Variants in AGBL4 observed in about 807,000 individuals in gnomAD.
The protein encoded by AGBL4 is cytosolic carboxypeptidase 6.
AGBL4 carries 58 observed loss-of-function variants against 66.4 expected under a neutral mutation model. That is an observed-to-expected ratio of 0.87 (90% CI 0.71 to 1.09). AGBL4 has a LOEUF of 1.09. Ranked by LOEUF, AGBL4 falls within the 50% of genes least tolerant of loss-of-function variation. AGBL4 has a pLI of 0.00. For synonymous variants in AGBL4, 234 were observed against 222.9 expected (o/e 1.05, Z -0.44); for missense variants, 579 against 631.0 (o/e 0.92, Z 0.88).
At chr1:48,525,564 C>T in the AGBL4 span, among the ~76,000 whole-genome samples, 3 of 152,162 alleles carry the variant, frequency 2.0e-5, no homozygotes, top group South Asian at 2.1e-4. Flanking sequence ...TTGATCCTCA[C>T]GATTCTCTTT....
intron 3 of AGBL4, among the ~76,000 whole-genome samples, chr1:49,323,175 T>G (rs1392742504): frequency 2.0e-5 from 3 of 152,196 alleles, no homozygotes; most frequent in Non-Finnish European, 2.9e-5. Context: ...GCCTTTCACA[T>G]TTGACTTCCA....
intron 6 of AGBL4, among the ~76,000 whole-genome samples, chr1:48,860,345 T>C (rs556842423): frequency 1.3e-5 from 2 of 152,352 alleles, no homozygotes; most frequent in South Asian, 4.1e-4. Flanking sequence ...TTGGGCTCCA[T>C]TGTGGGAGAC....
At position 49,248,637 on chromosome 1, in the gene AGBL4, T is replaced by C. The variant is rs371206679; in HGVS notation, c.283-2773A>G. ...GTTTAGGAAAGGTAATTATTCTTTT[T>C]TTTTTGGACATTGTTTACATCCAAA... On this transcript the variant is annotated intron_variant, in intron 3 of 13. Transcript: ENST00000371839. Among the ~76,000 whole-genome samples the C allele has an allele frequency of 1.9e-3, 284 of 152,256 alleles. 2 individuals carry two copies. Among genetic ancestry groups the C allele is most frequent in the African/African-American group, 6.5e-3 (269 of 41,556 alleles).
chr1:49,101,536 G>A (rs2148002310), intron 4 of AGBL4, among the ~76,000 whole-genome samples: 1 of 152,252 alleles, frequency 6.6e-6, no homozygotes, highest in African/African-American at 2.4e-5. Flanking sequence ...CTAATACATG[G>A]TTCTAAATAA....
intron 3 of AGBL4, among the ~76,000 whole-genome samples, chr1:49,385,388 G>A (rs112177632): frequency 6.6e-5 from 10 of 151,682 alleles, no homozygotes; most frequent in African/African-American, 2.4e-4. Flanking sequence ...AACTAAAGAA[G>A]TTTCAAACTC....
At chr1:49,487,859 A>G in intron 3 of AGBL4, among the ~76,000 whole-genome samples, 1 of 151,892 alleles carries the variant, frequency 6.6e-6, no homozygotes, top group Middle Eastern at 3.2e-3. Flanking sequence ...CTGAGTACCG[A>G]CCCCATGATC....
chr1:49,520,038 C>T (rs879790598), intron 3 of AGBL4, among the ~76,000 whole-genome samples: 6 of 151,980 alleles, frequency 3.9e-5, no homozygotes, highest in Non-Finnish European at 8.8e-5. Flanking sequence ...TGCTCAGATT[C>T]TAAGAACCTG....
At chr1:49,980,672 A>G (rs1007163886) in intron 1 of AGBL4, among the ~76,000 whole-genome samples, 12 of 152,124 alleles carry the variant, frequency 7.9e-5, no homozygotes, top group Admixed American at 2.6e-4. Flanking sequence ...TCATCTCCCA[A>G]TGAACATTTG....
chr1:48,594,281 A>C (rs1320009371), intron 9 of AGBL4, among the ~76,000 whole-genome samples: 2 of 152,188 alleles, frequency 1.3e-5, no homozygotes, highest in Admixed American at 6.5e-5. Context: ...CTGAGATCGC[A>C]CCATTGCACT....
intron 2 of AGBL4, among the ~76,000 whole-genome samples, chr1:49,770,495 G>T (rs1346688179): frequency 6.6e-6 from 1 of 152,018 alleles, no homozygotes; most frequent in East Asian, 1.9e-4. Flanking sequence ...TTTTGTTGTT[G>T]TGCCTTTGCC....
At chr1:48,610,715 C>T (rs1251092239) in intron 9 of AGBL4, among the ~76,000 whole-genome samples, 3 of 151,974 alleles carry the variant, frequency 2.0e-5, no homozygotes, top group African/African-American at 4.8e-5. Context: ...TCCAAGCTTC[C>T]TTCATTTCCC....
At chr1:49,011,309 T>A in intron 5 of AGBL4, among the ~76,000 whole-genome samples, 1 of 151,060 alleles carries the variant, frequency 6.6e-6, no homozygotes. Flanking sequence ...ATCAGAGAAA[T>A]GCAAATCAAA....
chr1:49,576,074 C>T (rs1369516408), intron 3 of AGBL4, among the ~76,000 whole-genome samples: 3 of 152,178 alleles, frequency 2.0e-5, no homozygotes, highest in Admixed American at 2.0e-4. Context: ...TTCTAGGGTA[C>T]AGTAGTCTGG....
chr1:49,563,004 A>C (rs191511107), intron 3 of AGBL4, among the ~76,000 whole-genome samples: 20 of 152,130 alleles, frequency 1.3e-4, no homozygotes, highest in South Asian at 4.2e-4. Flanking sequence ...GTTCGTAGTT[A>C]TCCTTGAAGA....
chr1:49,868,384 A>C (rs931814391), intron 1 of AGBL4, among the ~76,000 whole-genome samples: 5 of 152,218 alleles, frequency 3.3e-5, no homozygotes, highest in Non-Finnish European at 7.3e-5. Context: ...ACTACACTAC[A>C]AGGCTAAAGT....
chr1:49,568,651 A>G (rs1338258619), intron 3 of AGBL4, among the ~76,000 whole-genome samples: 1 of 152,182 alleles, frequency 6.6e-6, no homozygotes, highest in Non-Finnish European at 1.5e-5. Flanking sequence ...AAAAAAAAAC[A>G]AAAAGTATTT....
At chr1:49,926,780 A>G (rs1440966473) in intron 1 of AGBL4, among the ~76,000 whole-genome samples, 2 of 152,176 alleles carry the variant, frequency 1.3e-5, no homozygotes, top group Admixed American at 1.3e-4. Context: ...GGGTCTCTTA[A>G]TACCAGAATT....
chr1:49,310,688 C>T (rs1414925827), intron 3 of AGBL4, among the ~76,000 whole-genome samples: 1 of 152,004 alleles, frequency 6.6e-6, no homozygotes, highest in Non-Finnish European at 1.5e-5. Context: ...GATTCTGCAA[C>T]ATACATTACT....
chr1:48,755,228 T>C (rs1242807252), intron 6 of AGBL4, among the ~76,000 whole-genome samples: 1 of 152,146 alleles, frequency 6.6e-6, no homozygotes. Flanking sequence ...TGCTTCCCAC[T>C]CTGAGTCCCC....
Sources: allele counts gnomAD v4.1 joint callset (sites outside exome capture counted in the v4.1 genomes callset), GRCh38; gene constraint gnomAD v4.1.1; transcripts MANE v1.5; gene names NCBI Gene and HGNC (gene_info 2026-07-23, HGNC 2026-07-21).